The following BAHCC1 variants were observed in gnomAD, a reference collection of about 807,000 sequenced individuals.
The protein encoded by BAHCC1 is BAH domain and coiled-coil containing 1.
Under a neutral mutation model 88.2 loss-of-function variants are expected in BAHCC1, and 43 were observed. The ratio of observed to expected loss-of-function variants is 0.49; its 90% CI spans 0.38 to 0.63. BAHCC1 has a LOEUF of 0.63. Ranked by LOEUF, BAHCC1 falls within the 20% of genes least tolerant of loss-of-function variation. BAHCC1 has a pLI of 0.00. For synonymous variants in BAHCC1, 1,510 were observed against 745.5 expected, an observed-to-expected ratio of 2.03 and a Z score of -16.71; for missense variants, 3,023 against 1,654.8, an observed-to-expected ratio of 1.83 and a Z score of -14.34.
chr17:81,459,469 C>A (rs1555658523), intron 22 of BAHCC1, 27 bp from the exon 23 acceptor site: 1 of 778,152 alleles, frequency 1.3e-6, no homozygotes, highest in Non-Finnish European at 2.4e-6. Flanking sequence ...CCCACCTGCT[C>A]ATGGGTCGTC....
chr17:81,463,771 C>G lies in BAHCC1; in HGVS notation c.7781C>G (p.Thr2594Ser). 1.3e-6 allele frequency: 1 copy of G among 767,356 alleles called. No individual in the cohort carries two copies. The highest frequency in any genetic ancestry group is 2.4e-6 in the Non-Finnish European group (1 of 414,040). 47.5% of individuals were successfully genotyped at this position (767,356 alleles called of 1,614,324 possible). A position where few individuals can be genotyped will look rare whatever the true frequency, so the allele number is the denominator to read the frequency against. ...LYYLAGTYDPTTGRLVTADGV... is the reference protein window; with the variant it reads ...LYYLAGTYDPSTGRLVTADGV... ...TACCTGGCGGGCACCTACGACCCCA[C>G]CACCGGGCGCCTGGTGACGGCTGAT... Residue 2594 changes from threonine to serine, a missense_variant, in exon 28 of 28, where the codon ACC becomes AGC. Transcript: ENST00000675386.
At chr17:81,414,985 C>T (rs1017350100) in intron 2 of BAHCC1, among the ~76,000 whole-genome samples, 12 of 152,224 alleles carry the variant, frequency 7.9e-5, no homozygotes, top group Non-Finnish European at 7.3e-5. Context: ...AGCTGTTACC[C>T]GCCCCGGCGT....
intron 3 of BAHCC1, among the ~76,000 whole-genome samples, chr17:81,428,912 G>A (rs1172084745): frequency 6.6e-6 from 1 of 152,342 alleles, no homozygotes; most frequent in Admixed American, 6.5e-5. Flanking sequence ...TGCCACAAGT[G>A]TCGACGTGAG....
At position 81,447,089 on chromosome 17, in the gene BAHCC1, T is replaced by C. The variant is rs1392957426; in HGVS notation, c.3217T>C (p.Ser1073Pro). Residue 1073 changes from serine (S) to proline (P), a missense_variant, in exon 11 of 28, where the codon TCA (serine) becomes CCA (proline). Transcript: ENST00000675386. ...GGCTGGCCTGGGCTTCTCCCTACCC[T>C]CAGACGTGCACTCTTCTAACCTCGA... Reference protein sequence around the residue: ...PMAGLGFSLPSDVHSSNLEDP... With the variant: ...PMAGLGFSLPPDVHSSNLEDP... The C allele has an allele frequency of 2.6e-6, 2 of 779,134 alleles. No homozygotes were observed. Among genetic ancestry groups the C allele is most frequent in the African/African-American group, 3.4e-5 (2 of 59,070 alleles). 48.3% of individuals were successfully genotyped at this position (779,134 alleles called of 1,614,324 possible).
chr17:81,454,385 C>T (rs748100244), intron 14 of BAHCC1, among the ~76,000 whole-genome samples: 2 of 152,154 alleles, frequency 1.3e-5, no homozygotes, highest in Admixed American at 6.5e-5. Context: ...GCTCAGCCTC[C>T]GCAGTGTCCA....
Position 81,443,348 on chromosome 17 carries a change from G to C in BAHCC1, c.1999G>C (p.Ala667Pro), listed in dbSNP as rs782804342. ...CAAGGCCAGCTGCATCCAGCAGGAA[G>C]CAAAGTTCCTGTCCTCTAAGGGCCC... ...GLKASCIQQE[A>P]KFLSSKGPGQ... Residue 667 changes from alanine to proline, a missense_variant, in exon 5 of 28, where the codon GCA (alanine) becomes CCA (proline). Physicochemically the swap from Ala to Pro is conservative, Grantham distance 27 (BLOSUM62 -1). Coordinates refer to ENST00000675386, the MANE Select transcript of BAHCC1 (RefSeq NM_001377448.1). The C allele has an allele frequency of 1.0e-5, 8 of 778,718 alleles. No individual in the cohort carries two copies. The highest frequency in any genetic ancestry group is 1.7e-5 in the Admixed American group (1 of 58,920). 48.2% of individuals were successfully genotyped at this position (778,718 alleles called of 1,614,324 possible). A position where few individuals can be genotyped will look rare whatever the true frequency, so the allele number is the denominator to read the frequency against.
chr17:81,463,057 A>G (rs1194084054), intron 27 of BAHCC1, 81 bp downstream of exon 27: 3 of 691,914 alleles, frequency 4.3e-6, no homozygotes, highest in Non-Finnish European at 8.0e-6. Flanking sequence ...ACTGTGCCCC[A>G]ACACGGAGCA....
chr17:81,461,879 C>G lies in BAHCC1; in HGVS notation c.7216C>G (p.Pro2406Ala), dbSNP rs1555659598. Residue 2406 changes from proline to alanine, a missense_variant, in exon 26 of 28, where the codon CCC (proline) becomes GCC (alanine). Pro to Ala is a conservative substitution (Grantham distance 27). Transcript: ENST00000675386. ...GGCTGGCACCGGTGCGGGCTCAGGC[C>G]CCAGCAGCAGCAGCAAATCCAAGCT... ...TVAGTGAGSG[P>A]SSSSKSKLKR... 1 of 727,744 alleles carries G rather than the reference C, an allele frequency of 1.4e-6. No homozygotes were observed. The highest frequency in any genetic ancestry group is 2.6e-5 in the East Asian group (1 of 37,780). 45.1% of individuals were successfully genotyped at this position (727,744 alleles called of 1,614,324 possible).
rs1555653281 is a variant in BAHCC1, at chr17:81,443,356, C to T, written c.2007C>T (p.Phe669=). 2.6e-6 allele frequency: 2 copies of T among 778,374 alleles called. No homozygotes were observed. The highest frequency in any genetic ancestry group is 1.7e-5 in the Admixed American group (1 of 58,878). The allele number at this position is 778,374 out of a possible 1,614,324, so 48.2% of individuals were successfully genotyped here. The stretch of plus-strand genomic sequence containing the variant: ...GCTGCATCCAGCAGGAAGCAAAGTT[C>T]CTGTCCTCTAAGGGCCCAGGCCAGT... ...KASCIQQEAK[F]LSSKGPGQSE... Residue 669 remains phenylalanine (F), a synonymous_variant, in exon 5 of 28, where the codon TTC becomes TTT. Coordinates refer to ENST00000675386, the MANE Select transcript of BAHCC1 (RefSeq NM_001377448.1).
intron 10 of BAHCC1, among the ~76,000 whole-genome samples, chr17:81,446,449 C>A (rs7211504): frequency 0.76 from 114,401 of 150,004 alleles, 43,893 homozygotes; most frequent in Middle Eastern, 0.8. Context: ...CCCCCAGCCC[C>A]GGCAGCCAGG....
rs202017037 is a variant in BAHCC1 at position 81,458,023 on chromosome 17, AGG to A, written c.5042-138_5042-137del. ...GGGCAGGGGTTGCTGGGTAACCAGGAGGGGGAGGGCAGAGGTTGCTGGGTAAC... is the reference window on the plus strand; with the variant it reads ...GGGCAGGGGTTGCTGGGTAACCAGGAGGGAGGGCAGAGGTTGCTGGGTAAC... On this transcript the variant is annotated intron_variant, in intron 17 of 27. Transcript: ENST00000675386. The A allele has an allele frequency of 1.3e-5, 5 of 397,306 alleles. No individual in the cohort carries two copies. In the African/African-American group the frequency reaches 3.6e-4, roughly 29 times the overall value. The allele number at this position is 397,306 out of a possible 1,614,324, so 24.6% of individuals were successfully genotyped here.
rs1176772371 is a variant in BAHCC1, at chr17:81,411,609, G to A, written c.178+11692G>A. Reference sequence around the variant, plus strand: ...CTCTACCCAGCACCCACGAAGACGGGTGAGCTGCTGGCCACCCGAAGAGGG... The same window carrying A: ...CTCTACCCAGCACCCACGAAGACGGATGAGCTGCTGGCCACCCGAAGAGGG... On this transcript the variant is annotated intron_variant, in intron 2 of 27. Transcript: ENST00000675386. This position sits in a 1 kb window ranked among gnomAD's most constrained non-coding sequence, Gnocchi z 6.2. 3 of 437,052 alleles carry A rather than the reference G, an allele frequency of 6.9e-6. No individual in the cohort carries two copies. The Admixed American group carries it at 7.6e-5, about 11-fold the overall frequency. The allele number at this position is 437,052 out of a possible 1,614,324, so 27.1% of individuals were successfully genotyped here. A position where few individuals can be genotyped will look rare whatever the true frequency, so the allele number is the denominator to read the frequency against.
Position 81,411,045 on chromosome 17 carries a change from C to T in BAHCC1, c.178+11128C>T, listed in dbSNP as rs374537232. 935 of 518,370 alleles carry T rather than the reference C, an allele frequency of 1.8e-3. 2 individuals carry two copies. The highest frequency in any genetic ancestry group is 2.8e-3 in the Non-Finnish European group (721 of 259,538). 32.1% of individuals were successfully genotyped at this position (518,370 alleles called of 1,614,324 possible). A position where few individuals can be genotyped will look rare whatever the true frequency, so the allele number is the denominator to read the frequency against. On this transcript the variant is annotated intron_variant, in intron 2 of 27. Transcript: ENST00000675386. This position sits in a 1 kb window ranked among gnomAD's most constrained non-coding sequence, Gnocchi z 6.2. ...TGTCTGTGTGAAGGCCTGGGGCCCC[C>T]GTGCGCCTCCCCTCGGGCCTGAGGG... is the stretch of plus-strand genomic sequence containing the variant.
At position 81,458,989 on chromosome 17, in the gene BAHCC1, G is replaced by T. The variant is rs782753372; in HGVS notation, c.5605+20G>T. ...CCCTAGGTGAGCAGGGCCAGGAAGG[G>T]TGCCAGCCGCCTGGGGAGGGGTGGT... On this transcript the variant is annotated intron_variant, in intron 20 of 27. Transcript: ENST00000675386. 9.8e-6 allele frequency: 7 copies of T among 711,628 alleles called. No homozygotes were observed. In the Admixed American group the frequency reaches 1.4e-4, roughly 14 times the overall value. The allele number at this position is 711,628 out of a possible 1,614,324, so 44.1% of individuals were successfully genotyped here. A position where few individuals can be genotyped will look rare whatever the true frequency, so the allele number is the denominator to read the frequency against.
rs207476602 is a variant in BAHCC1 at position 81,452,751 on chromosome 17, C to T, written c.4345C>T (p.Arg1449Trp). ...AGACGAGAGTTCACGGAGCCCTGCA[C>T]GGCGGGGGCCTGGCCGGCCGAGGAA... ...ERDESSRSPARRGPGRPRKRK... is the reference protein window; with the variant it reads ...ERDESSRSPAWRGPGRPRKRK... The change falls in exon 14 of 28, where the codon CGG (arginine) becomes TGG (tryptophan). Residue 1449 changes from arginine (R) to tryptophan (W), a missense_variant. Transcript: ENST00000675386. 1 of 750,792 alleles carries T rather than the reference C, an allele frequency of 1.3e-6. No homozygotes were observed. Among genetic ancestry groups the T allele is most frequent in the African/African-American group, 1.8e-5 (1 of 56,728 alleles). 46.5% of individuals were successfully genotyped at this position (750,792 alleles called of 1,614,324 possible). A position where few individuals can be genotyped will look rare whatever the true frequency, so the allele number is the denominator to read the frequency against.
chr17:81,441,847 C>G lies in BAHCC1; in HGVS notation c.498C>G (p.Arg166=). ...YGTQKDNFYL[R]NLPPQPTLLP... ...CCCACACAGATAACTTCTACCTGCG[C>G]AACCTGCCGCCCCAGCCCACGCTGC... Residue 166 remains arginine (R), a synonymous_variant, in exon 5 of 28, where the codon CGC becomes CGG. Coordinates refer to ENST00000675386, the MANE Select transcript of BAHCC1 (RefSeq NM_001377448.1). The G allele has an allele frequency of 1.5e-6, 1 of 661,886 alleles. No homozygotes were observed. Among genetic ancestry groups the G allele is most frequent in the Non-Finnish European group, 2.8e-6 (1 of 357,856 alleles). 41.0% of individuals were successfully genotyped at this position (661,886 alleles called of 1,614,324 possible). A position where few individuals can be genotyped will look rare whatever the true frequency, so the allele number is the denominator to read the frequency against.
rs782180835 is a variant in BAHCC1 at position 81,447,188 on chromosome 17, C to T, written c.3316C>T (p.Pro1106Ser). Residue 1106 changes from proline to serine, a missense_variant, in exon 11 of 28, where the codon CCG (proline) becomes TCG (serine). By Grantham distance (74) the Pro-to-Ser change is moderately conservative. Coordinates refer to ENST00000675386, the MANE Select transcript of BAHCC1 (RefSeq NM_001377448.1). ...CACAAGGACATTCCTGCCTGGGGAG[C>T]CGCCTCCCTGCAGCCCCAGGAGCCT... The part of the protein sequence containing the change: ...EPTRTFLPGE[P>S]PPCSPRSLEE... 5.2e-6 allele frequency: 4 copies of T among 767,070 alleles called. No homozygotes were observed. The highest frequency in any genetic ancestry group is 9.7e-6 in the Non-Finnish European group (4 of 412,148). 47.5% of individuals were successfully genotyped at this position (767,070 alleles called of 1,614,324 possible).
intron 1 of BAHCC1, chr17:81,397,004 G>A (rs1049460655): frequency 6.6e-6 from 1 of 152,238 alleles, no homozygotes; most frequent in African/African-American, 2.4e-5. Context: ...CTCGGCGGGT[G>A]GCGGCGTCGC....
In BAHCC1 at chr17:81,445,337, GC is replaced by G; in HGVS notation, c.2836-12del. On this transcript the variant is annotated splice_polypyrimidine_tract_variant and intron_variant, in intron 9 of 27. Transcript: ENST00000675386. ...GGGGATCCTGAGCCTGACCGAGCTT[GC>G]CCCCATCCCTGACAGCGGAAGCCCG... is the stretch of plus-strand genomic sequence containing the variant. 1.3e-6 allele frequency: 1 copy of G among 766,964 alleles called. No homozygotes were observed. The highest frequency in any genetic ancestry group is 2.4e-6 in the Non-Finnish European group (1 of 412,706). The allele number at this position is 766,964 out of a possible 1,614,324, so 47.5% of individuals were successfully genotyped here. A position where few individuals can be genotyped will look rare whatever the true frequency, so the allele number is the denominator to read the frequency against.
Sources: gnomAD v4.1 joint callset for allele counts (sites outside exome capture counted in the v4.1 genomes callset) on GRCh38, gnomAD v4.1.1 for gene constraint, Gnocchi (gnomAD v3.1) non-coding constraint, MANE v1.5 for transcripts, NCBI Gene and HGNC (gene_info 2026-07-23, HGNC 2026-07-21) for gene names.